GFRA1: variants seen among roughly 807,000 people sequenced by gnomAD.
GFRA1 encodes GDNF family receptor alpha-1.
In GFRA1, 16 loss-of-function variants were observed where a neutral mutation model predicts 51.6. That is an observed-to-expected ratio of 0.31 (90% CI 0.21 to 0.47). The LOEUF is 0.47. GFRA1 is among the 20% of genes least tolerant of loss of function. The pLI is 1.00. For synonymous variants in GFRA1, 270 were observed against 241.3 expected (o/e 1.12, Z -1.10); for missense variants, 530 against 594.3 (o/e 0.89, Z 1.13).
intron 5 of GFRA1, among the ~76,000 whole-genome samples, chr10:116,198,049 ACTC>A (rs1231668692): frequency 1.3e-5 from 2 of 151,866 alleles, no homozygotes; most frequent in Non-Finnish European, 2.9e-5. Context: ...GGATGCATTA[ACTC>A]CTCCTCTGCA....
intron 4 of GFRA1, among the ~76,000 whole-genome samples, chr10:116,248,914 C>T (rs1024188958): frequency 3.9e-5 from 6 of 152,152 alleles, no homozygotes; most frequent in African/African-American, 7.2e-5. Flanking sequence ...ACGGTGAATT[C>T]CAAGATTTAG....
chr10:116,110,936 T>C (rs1444019893), intron 6 of GFRA1, among the ~76,000 whole-genome samples: 1 of 152,092 alleles, frequency 6.6e-6, no homozygotes, highest in African/African-American at 2.4e-5. Context: ...ATAGCAACCT[T>C]GGTTCACAGA....
chr10:116,119,239 C>G (rs1957549840), intron 6 of GFRA1, among the ~76,000 whole-genome samples: 1 of 152,164 alleles, frequency 6.6e-6, no homozygotes, highest in Non-Finnish European at 1.5e-5. Flanking sequence ...TGTCAGAGAA[C>G]CTGCTTGCCC....
intron 4 of GFRA1, among the ~76,000 whole-genome samples, chr10:116,244,294 A>C (rs1156326029): frequency 6.7e-6 from 1 of 149,612 alleles, no homozygotes; most frequent in Non-Finnish European, 1.5e-5. Flanking sequence ...ATCTCATCAA[A>C]AAGAAGAAAA....
chr10:116,066,849 A>C (rs932538823), intron 9 of GFRA1, among the ~76,000 whole-genome samples: 2 of 152,214 alleles, frequency 1.3e-5, no homozygotes, highest in Non-Finnish European at 2.9e-5. Context: ...ACTTGAATCA[A>C]GGAGGACCTG....
chr10:116,117,341 C>T (rs1391463512), intron 6 of GFRA1, among the ~76,000 whole-genome samples: 1 of 152,110 alleles, frequency 6.6e-6, no homozygotes, highest in African/African-American at 2.4e-5. Context: ...CAGATGGCAG[C>T]TTCTCCAGGA....
intron 5 of GFRA1, among the ~76,000 whole-genome samples, chr10:116,142,351 T>C (rs1958607648): frequency 6.6e-6 from 1 of 152,126 alleles, no homozygotes; most frequent in African/African-American, 2.4e-5. Context: ...CTTCAACAAA[T>C]AGGAGAAAAG....
chr10:116,250,923 G>A (rs1968291150), intron 4 of GFRA1, among the ~76,000 whole-genome samples: 2 of 152,204 alleles, frequency 1.3e-5, no homozygotes, highest in Admixed American at 1.3e-4. Flanking sequence ...ACCAGGCTTG[G>A]CCCGCCTGGG....
At chr10:116,134,542 T>A (rs562437137) in intron 5 of GFRA1, among the ~76,000 whole-genome samples, 1 of 152,356 alleles carries the variant, frequency 6.6e-6, no homozygotes, top group South Asian at 2.1e-4. Flanking sequence ...AAAAATTACA[T>A]TTAAAAAGCA....
At chr10:116,188,687 T>G (rs1262745300) in intron 5 of GFRA1, among the ~76,000 whole-genome samples, 1 of 151,980 alleles carries the variant, frequency 6.6e-6, no homozygotes, top group Non-Finnish European at 1.5e-5. Context: ...GCAGATCATT[T>G]GAGGTAAGGA....
Position 116,081,309 on chromosome 10 carries a change from C to T in GFRA1, c.1197+8432G>A, listed in dbSNP as rs146015579. Among the ~76,000 whole-genome samples the T allele has an allele frequency of 2.5e-3, 379 of 152,310 alleles. 1 individual carries two copies. Among genetic ancestry groups the T allele is most frequent in the Non-Finnish European group, 4.6e-3 (314 of 68,036 alleles). The stretch of plus-strand genomic sequence containing the variant: ...GTTAGCTCGGAATTGAGTTGTACTG[C>T]GGTCTACCAGTTGGTGTCAGAATAG... On this transcript the variant is annotated intron_variant, in intron 9 of 10. Coordinates refer to ENST00000355422, the MANE Select transcript of GFRA1 (RefSeq NM_005264.8).
intron 4 of GFRA1, among the ~76,000 whole-genome samples, chr10:116,262,115 T>C (rs926892379): frequency 6.6e-6 from 1 of 152,088 alleles, no homozygotes; most frequent in Non-Finnish European, 1.5e-5. Context: ...CAAAAAGAAA[T>C]ACTTCAGAGG....
intron 6 of GFRA1, among the ~76,000 whole-genome samples, chr10:116,117,556 T>G (rs10885853): frequency 0.52 from 22,346 of 43,166 alleles, 4,199 homozygotes; most frequent in Middle Eastern, 0.64. Flanking sequence ...TGGGTGGGTG[T>G]GTGGATGGAT....
rs1361009838 is a variant in GFRA1, at chr10:116,063,138, C to T, written c.*1260G>A. On this transcript the variant is annotated 3_prime_UTR_variant, in exon 11 of 11. Transcript: ENST00000355422. ...GTTTCCAAAGAAAGGAGAACCTGCC[C>T]ATGCCTCCATGTCCCAATCAAAGCT... is the stretch of plus-strand genomic sequence containing the variant. 2 of 152,256 alleles carry T rather than the reference C, an allele frequency of 1.3e-5. No homozygotes were observed. The highest frequency in any genetic ancestry group is 1.9e-4 in the East Asian group (1 of 5,184). 9.4% of individuals were successfully genotyped at this position (152,256 alleles called of 1,614,324 possible). A position where few individuals can be genotyped will look rare whatever the true frequency, so the allele number is the denominator to read the frequency against.
intron 5 of GFRA1, among the ~76,000 whole-genome samples, chr10:116,206,691 C>T (rs1008454926): frequency 7.7e-5 from 11 of 143,550 alleles, no homozygotes; most frequent in African/African-American, 2.5e-4. Context: ...GGAGTGCAGC[C>T]GCGCGATCTC....
chr10:116,193,224 C>T (rs2251348), intron 5 of GFRA1, among the ~76,000 whole-genome samples: 22,123 of 152,130 alleles, frequency 0.15, 1,650 homozygotes, highest in East Asian at 0.21. Context: ...GCCATTTCTG[C>T]AAACAGCGGG....
chr10:116,097,222 G>A (rs1009835704), intron 6 of GFRA1, among the ~76,000 whole-genome samples: 2 of 152,238 alleles, frequency 1.3e-5, no homozygotes, highest in African/African-American at 4.8e-5. Flanking sequence ...ATCTGCTCCT[G>A]TAATTCCTAC....
chr10:116,079,190 G>C (rs1313248010), intron 9 of GFRA1, among the ~76,000 whole-genome samples: 1 of 152,054 alleles, frequency 6.6e-6, no homozygotes, highest in Admixed American at 6.5e-5. Context: ...ACCTGGAAGA[G>C]AGCGCTCACT....
intron 4 of GFRA1, among the ~76,000 whole-genome samples, chr10:116,228,171 T>C (rs1966436973): frequency 6.6e-6 from 1 of 152,176 alleles, no homozygotes; most frequent in Non-Finnish European, 1.5e-5. Flanking sequence ...ACCACCCCAT[T>C]ATCTCCCGGG....
Sources: gnomAD v4.1 joint callset for allele counts (sites outside exome capture counted in the v4.1 genomes callset) on GRCh38, gnomAD v4.1.1 for gene constraint, MANE v1.5 for transcripts, NCBI Gene and HGNC (gene_info 2026-07-23, HGNC 2026-07-21) for gene names.